The following EYS variants were observed in gnomAD, a reference collection of about 807,000 sequenced individuals.
The protein encoded by EYS is protein eyes shut homolog.
A neutral mutation model predicts 282.1 loss-of-function variants in EYS; 250 were observed. The observed-to-expected ratio is 0.89, with a 90% CI of 0.80 to 0.98. The LOEUF (loss-of-function observed/expected upper bound fraction) is 0.98. Ranked by LOEUF, EYS falls within the 50% of genes least tolerant of loss-of-function variation. The pLI is 0.00. For synonymous variants in EYS, 1,355 were observed against 1,282.9 expected (o/e 1.06, Z -1.20); for missense variants, 4,016 against 3,709.0 (o/e 1.08, Z -2.15).
At chr6:64,380,834 G>A (rs759478984) in intron 29 of EYS, among the ~76,000 whole-genome samples, 1 of 152,016 alleles carries the variant, frequency 6.6e-6, no homozygotes, top group Non-Finnish European at 1.5e-5. Context: ...TTGCAAATAT[G>A]GCGAAACCCG....
intron 14 of EYS, among the ~76,000 whole-genome samples, chr6:64,948,108 T>C (rs960497070): frequency 6.6e-5 from 10 of 151,740 alleles, no homozygotes; most frequent in Non-Finnish European, 1.2e-4. Context: ...CATTAAAGTA[T>C]CAGGTACTAT....
At chr6:65,340,307 A>G (rs886148782) in intron 10 of EYS, among the ~76,000 whole-genome samples, 1 of 151,114 alleles carries the variant, frequency 6.6e-6, no homozygotes. Context: ...ATGTGTTTCC[A>G]TTCCAGAAGC....
intron 19 of EYS, among the ~76,000 whole-genome samples, chr6:64,848,468 C>T (rs1765781717): frequency 1.3e-5 from 2 of 151,998 alleles, no homozygotes; most frequent in Non-Finnish European, 2.9e-5. Flanking sequence ...GCAAGAGGCA[C>T]TTCTGGGGAA....
intron 35 of EYS, among the ~76,000 whole-genome samples, chr6:63,937,763 G>A (rs1765116888): frequency 6.6e-6 from 1 of 152,074 alleles, no homozygotes; most frequent in Admixed American, 6.6e-5. Flanking sequence ...AAAAAATGGA[G>A]ATCAATACAT....
intron 14 of EYS, among the ~76,000 whole-genome samples, chr6:64,993,177 A>C (rs2150123586): frequency 6.6e-6 from 1 of 152,050 alleles, no homozygotes; most frequent in South Asian, 2.1e-4. Context: ...GAAATAAGCG[A>C]CTCTCAAATA....
At chr6:65,348,743 T>C (rs1770492736) in intron 9 of EYS, among the ~76,000 whole-genome samples, 1 of 151,620 alleles carries the variant, frequency 6.6e-6, no homozygotes, top group Non-Finnish European at 1.5e-5. Flanking sequence ...CTATTTTTTG[T>C]TTGATTACTA....
At chr6:65,345,786 C>T (rs992036199) in intron 9 of EYS, among the ~76,000 whole-genome samples, 1 of 150,698 alleles carries the variant, frequency 6.6e-6, no homozygotes, top group Non-Finnish European at 1.5e-5. Context: ...ACGTTTTAAC[C>T]CACAAAAAAG....
intron 36 of EYS, among the ~76,000 whole-genome samples, chr6:63,831,780 A>G (rs1012948643): frequency 6.6e-6 from 1 of 152,196 alleles, no homozygotes; most frequent in Non-Finnish European, 1.5e-5. Flanking sequence ...TCAGCACCAC[A>G]TCACACTTAT....
intron 35 of EYS, among the ~76,000 whole-genome samples, chr6:63,922,924 CT>C (rs1392377264): frequency 6.6e-6 from 1 of 152,204 alleles, no homozygotes; most frequent in Non-Finnish European, 1.5e-5. Flanking sequence ...TTGACAAATA[CT>C]GACGTTGTGA....
At chr6:64,002,114 G>GCAGA in intron 33 of EYS, among the ~76,000 whole-genome samples, 1 of 152,188 alleles carries the variant, frequency 6.6e-6, no homozygotes, top group African/African-American at 2.4e-5. Flanking sequence ...CAGCCACGGT[G>GCAGA]GAACAATGTA....
At chr6:65,319,303 C>T (rs1769406377) in intron 11 of EYS, among the ~76,000 whole-genome samples, 1 of 150,364 alleles carries the variant, frequency 6.7e-6, no homozygotes. Flanking sequence ...TCTCTTTAAC[C>T]CAGGAAGCGG....
intron 26 of EYS, among the ~76,000 whole-genome samples, chr6:64,583,049 A>G (rs764146836): frequency 1.4e-4 from 22 of 152,168 alleles, no homozygotes; most frequent in Non-Finnish European, 2.2e-4. Context: ...GACATTATAT[A>G]TTGTTACAAA....
intron 12 of EYS, among the ~76,000 whole-genome samples, chr6:65,106,045 C>T (rs1458191634): frequency 6.6e-6 from 1 of 151,792 alleles, no homozygotes; most frequent in Non-Finnish European, 1.5e-5. Flanking sequence ...CAGCATAATA[C>T]CATTATGATC....
At chr6:65,228,829 A>G (rs528958524) in intron 12 of EYS, among the ~76,000 whole-genome samples, 60 of 152,204 alleles carry the variant, frequency 3.9e-4, no homozygotes, top group African/African-American at 1.4e-3. Flanking sequence ...CTTGTTAATG[A>G]CACAGAATAC....
At chr6:65,148,763 C>T (rs1218231329) in intron 12 of EYS, among the ~76,000 whole-genome samples, 1 of 152,082 alleles carries the variant, frequency 6.6e-6, no homozygotes, top group Non-Finnish European at 1.5e-5. Flanking sequence ...TCAGCCTGGA[C>T]ATCCAGGCAT....
At chr6:65,186,444 T>C (rs1477966978) in intron 12 of EYS, among the ~76,000 whole-genome samples, 1 of 151,676 alleles carries the variant, frequency 6.6e-6, no homozygotes, top group Non-Finnish European at 1.5e-5. Flanking sequence ...AGTCTATTGG[T>C]TTTAAACTAC....
chr6:65,456,237 G>C (rs1764609343), intron 5 of EYS, among the ~76,000 whole-genome samples: 1 of 152,144 alleles, frequency 6.6e-6, no homozygotes, highest in Admixed American at 6.5e-5. Context: ...CGAATCACGA[G>C]GTCAGGAGAG....
intron 12 of EYS, among the ~76,000 whole-genome samples, chr6:65,188,095 C>G (rs1340972450): frequency 1.3e-5 from 2 of 151,374 alleles, no homozygotes; most frequent in Non-Finnish European, 3.0e-5. Flanking sequence ...AAAAATAAAT[C>G]ATAGTGAAAG....
chr6:64,278,876 G>A (rs921456798), intron 30 of EYS, among the ~76,000 whole-genome samples: 1 of 151,964 alleles, frequency 6.6e-6, no homozygotes, highest in African/African-American at 2.4e-5. Context: ...CAAATCTCCT[G>A]CCTTAGACTC....
Sources: allele counts gnomAD v4.1 joint callset (sites outside exome capture counted in the v4.1 genomes callset), GRCh38; gene constraint gnomAD v4.1.1; transcripts MANE v1.5; gene names NCBI Gene and HGNC (gene_info 2026-07-23, HGNC 2026-07-21).